Variants in ZNF487 observed in about 807,000 individuals in gnomAD.
The protein encoded by ZNF487 is KRAB domain only 1.
ZNF487 carries 4 observed loss-of-function variants against 3.0 expected under a neutral mutation model. The ratio of observed to expected loss-of-function variants is 1.35; its 90% CI spans 0.66 to 3.08. The LOEUF (loss-of-function observed/expected upper bound fraction) is 3.08, where lower values mean the gene tolerates loss of function less well. ZNF487 is among the 30% of genes most tolerant of loss of function. The pLI is 0.01. For synonymous variants in ZNF487, 55 were observed against 34.6 expected (o/e 1.59, Z -2.06); for missense variants, 146 against 98.7 (o/e 1.48, Z -2.03).
Position 43,460,673 on chromosome 10 carries a change from C to T in ZNF487, c.-93-15048C>T, listed in dbSNP as rs148366911. Reference sequence around the variant, plus strand: ...TACAGGTATGAGCCACCATGCCTGGCTGTTATTTTCCTTTCTTAAAAGTCT... The same window carrying T: ...TACAGGTATGAGCCACCATGCCTGGTTGTTATTTTCCTTTCTTAAAAGTCT... On this transcript the variant is annotated intron_variant, in intron 1 of 3. Transcript: ENST00000437590. Among the ~76,000 whole-genome samples the T allele has an allele frequency of 2.0e-5, 3 of 151,380 alleles. No homozygotes were observed. The East Asian group carries it at 5.8e-4, about 29-fold the overall frequency.
At chr10:43,522,371 C>A in the ZNF487 span, among the ~76,000 whole-genome samples, 1 of 151,844 alleles carries the variant, frequency 6.6e-6, no homozygotes, top group African/African-American at 2.4e-5. Context: ...ACAAATACCA[C>A]TTGCTAGTAT....
chr10:43,500,220 G>A, the ZNF487 span, among the ~76,000 whole-genome samples: 4 of 152,024 alleles, frequency 2.6e-5, no homozygotes, highest in Non-Finnish European at 4.4e-5. Flanking sequence ...ATGTTGCCCA[G>A]GCTGGTCTTG....
downstream of ZNF487, among the ~76,000 whole-genome samples, chr10:43,487,511 G>A (rs1274857614): frequency 6.8e-6 from 1 of 148,022 alleles, no homozygotes; most frequent in African/African-American, 2.5e-5. Flanking sequence ...GTGCAATGGC[G>A]CAATCTCCGC....
rs766467129 is a variant in ZNF487 at position 43,482,938 on chromosome 10, CCTT to C, written c.*1019_*1021del. The C allele has an allele frequency of 5.7e-6, 3 of 529,868 alleles. No homozygotes were observed. Among genetic ancestry groups the C allele is most frequent in the Non-Finnish European group, 7.7e-6 (2 of 258,628 alleles). 32.8% of individuals were successfully genotyped at this position (529,868 alleles called of 1,614,324 possible). On this transcript the variant is annotated 3_prime_UTR_variant, in exon 4 of 4. Transcript: ENST00000437590. ...TATGCATGTAGTGAATGTGGGAAAA[CCTT>C]CTACCAGAAGTCATCCCTCACAACA... is the stretch of plus-strand genomic sequence containing the variant.
chr10:43,461,613 C>CCCCG (rs1454165638), intron 1 of ZNF487, among the ~76,000 whole-genome samples: 5 of 152,008 alleles, frequency 3.3e-5, no homozygotes, highest in Non-Finnish European at 7.4e-5. Context: ...GAGCCACTGC[C>CCCCG]CCCGGCCTTT....
chr10:43,452,935 T>C (rs1840057336), intron 1 of ZNF487: 1 of 152,104 alleles, frequency 6.6e-6, no homozygotes, highest in Admixed American at 6.6e-5. Flanking sequence ...TTTTTCTTTT[T>C]TTGGTGGTTG....
At chr10:43,518,911 T>C in the ZNF487 span, among the ~76,000 whole-genome samples, 8 of 152,210 alleles carry the variant, frequency 5.3e-5, no homozygotes, top group African/African-American at 1.9e-4. Flanking sequence ...CGTTAAATTC[T>C]TCTTGGGTTT....
At chr10:43,471,597 A>G (rs1006773310) in intron 1 of ZNF487, among the ~76,000 whole-genome samples, 1 of 152,166 alleles carries the variant, frequency 6.6e-6, no homozygotes, top group Non-Finnish European at 1.5e-5. Flanking sequence ...AGAGAATTTT[A>G]TTGAGCAATG....
intron 1 of ZNF487, among the ~76,000 whole-genome samples, chr10:43,474,418 C>G (rs1841019660): frequency 6.7e-6 from 1 of 149,944 alleles, no homozygotes. Flanking sequence ...CGTGCCATTG[C>G]ACTACAGCCT....
intron 1 of ZNF487, among the ~76,000 whole-genome samples, chr10:43,455,056 C>T (rs550497390): frequency 1.9e-4 from 28 of 149,950 alleles, no homozygotes; most frequent in African/African-American, 3.0e-4. Flanking sequence ...TTGCCCCGTC[C>T]GGAGTGCAGT....
At chr10:43,517,454 C>T in the ZNF487 span, among the ~76,000 whole-genome samples, 2 of 152,220 alleles carry the variant, frequency 1.3e-5, no homozygotes, top group Non-Finnish European at 2.9e-5. Context: ...ACAGGAATCC[C>T]ATGAGTCTCC....
At chr10:43,453,083 C>G (rs1266382321) in intron 1 of ZNF487, 1 of 151,880 alleles carries the variant, frequency 6.6e-6, no homozygotes, top group Non-Finnish European at 1.5e-5. Flanking sequence ...TTACAAGGGA[C>G]CAGTGTAAAT....
At chr10:43,462,075 G>C (rs1202857092) in intron 1 of ZNF487, among the ~76,000 whole-genome samples, 1 of 152,152 alleles carries the variant, frequency 6.6e-6, no homozygotes, top group African/African-American at 2.4e-5. Flanking sequence ...GGTCAGCAGT[G>C]ACCTCTAGTG....
chr10:43,481,344 G>T, intron 3 of ZNF487, 85 bp from the exon 4 acceptor site: 2 of 579,758 alleles, frequency 3.4e-6, no homozygotes. Context: ...AAAAAAAAAA[G>T]AAAAAAAAAG....
chr10:43,467,985 C>A (rs1840767963), intron 1 of ZNF487, among the ~76,000 whole-genome samples: 2 of 152,098 alleles, frequency 1.3e-5, no homozygotes, highest in Admixed American at 6.6e-5. Context: ...CAATTAACAA[C>A]ATTAATAGGA....
Position 43,479,967 on chromosome 10 carries a change from TTTCTTTTCTTTCTTTCCTTCTTTC to T in ZNF487, c.131-1459_131-1436del, listed in dbSNP as rs1412077649. Among the ~76,000 whole-genome samples, 88 of 41,822 alleles carry T rather than the reference TTTCTTTTCTTTCTTTCCTTCTTTC, an allele frequency of 2.1e-3. 4 individuals carry two copies. The highest frequency in any genetic ancestry group is 4.1e-3 in the African/African-American group (69 of 17,010). The allele number at this position is 41,822 out of a possible 152,430, so 27.4% of individuals were successfully genotyped here. A position where few individuals can be genotyped will look rare whatever the true frequency, so the allele number is the denominator to read the frequency against. Reference sequence around the variant, plus strand: ...CACTGCACCTGACTCTCTTTCTTTCTTTCTTTTCTTTCTTTCCTTCTTTCTTTCTTTCTTTCTTTCTTTCTTTCT... The same window carrying T: ...CACTGCACCTGACTCTCTTTCTTTCTTTTCTTTCTTTCTTTCTTTCTTTCT... On this transcript the variant is annotated intron_variant, in intron 3 of 3. Coordinates refer to ENST00000437590, the MANE Select transcript of ZNF487 (RefSeq NM_001355444.3).
downstream of ZNF487, among the ~76,000 whole-genome samples, chr10:43,487,929 CAA>C (rs76705594): frequency 0.012 from 504 of 40,460 alleles, 4 homozygotes; most frequent in African/African-American, 0.045. Context: ...TACCAAAATA[CAA>C]AAAAAAAAAA....
chr10:43,462,376 C>T (rs1490568632), intron 1 of ZNF487, among the ~76,000 whole-genome samples: 2 of 150,948 alleles, frequency 1.3e-5, no homozygotes, highest in Non-Finnish European at 2.9e-5. Flanking sequence ...AGATATTGTG[C>T]TTTTTTTTCT....
rs1203800624 is a variant in ZNF487, at chr10:43,481,710, C to T, written c.412C>T (p.Leu138Phe). Residue 138 changes from leucine to phenylalanine, a missense_variant, in exon 4 of 4, where the codon CTC becomes TTC. Physicochemically the swap from Leu to Phe is conservative, Grantham distance 22. Transcript: ENST00000437590. ...GTGTAATGTACGTGGGAAATTTCTC[C>T]TCTGTATGAAGCGTGAGAATCCTTA... ...AECNVRGKFL[L>F]CMKRENPYAR... 1.4e-6 allele frequency: 1 copy of T among 714,748 alleles called. No individual in the cohort carries two copies. Among genetic ancestry groups the T allele is most frequent in the African/African-American group, 1.8e-5 (1 of 57,104 alleles). 44.3% of individuals were successfully genotyped at this position (714,748 alleles called of 1,614,324 possible).
Sources: gnomAD v4.1 joint callset for allele counts (sites outside exome capture counted in the v4.1 genomes callset) on GRCh38, gnomAD v4.1.1 for gene constraint, MANE v1.5 for transcripts, NCBI Gene and HGNC (gene_info 2026-07-23, HGNC 2026-07-21) for gene names.